PCDHGA6: variants seen among roughly 807,000 people sequenced by gnomAD.
PCDHGA6 encodes the protein protocadherin gamma subfamily A, 6.
In PCDHGA6, 41 loss-of-function variants were observed where a neutral mutation model predicts 60.6. That is an observed-to-expected ratio of 0.68 (90% CI 0.53 to 0.88). The LOEUF is 0.88. PCDHGA6 is among the 40% of genes least tolerant of loss of function. PCDHGA6 has a pLI of 0.00. For synonymous variants in PCDHGA6, 594 were observed against 524.4 expected, an observed-to-expected ratio of 1.13 and a Z score of -1.81; for missense variants, 1,312 against 1,203.0, an observed-to-expected ratio of 1.09 and a Z score of -1.34.
At chr5:141,441,730 A>T in intron 1 of PCDHGA6, 1 of 362,750 alleles carries the variant, frequency 2.8e-6, no homozygotes, top group South Asian at 2.2e-5. Context: ...CGCGACCAGG[A>T]CTAGCTCGCG....
chr5:141,466,099 G>A (rs879849411), intron 1 of PCDHGA6, among the ~76,000 whole-genome samples: 2 of 151,938 alleles, frequency 1.3e-5, no homozygotes, highest in Non-Finnish European at 2.9e-5. Context: ...TCCAGCCTGG[G>A]CAACAGAGTG....
chr5:141,443,093 C>G (rs1316602934), intron 1 of PCDHGA6, among the ~76,000 whole-genome samples: 2 of 151,940 alleles, frequency 1.3e-5, no homozygotes, highest in African/African-American at 4.8e-5. Flanking sequence ...CAGTCTCCTT[C>G]TCAAGCTGAA....
chr5:141,467,993 C>A (rs984508296), intron 1 of PCDHGA6, among the ~76,000 whole-genome samples: 1 of 152,058 alleles, frequency 6.6e-6, no homozygotes, highest in Admixed American at 6.6e-5. Context: ...AACCACAATT[C>A]TTTCTTCCTC....
In PCDHGA6 at chr5:141,491,424, G is replaced by A. The variant is rs745755214; in HGVS notation, c.2425-3383G>A. The A allele has an allele frequency of 6.2e-7, 1 of 1,614,092 alleles. No individual in the cohort carries two copies. Among genetic ancestry groups the A allele is most frequent in the Non-Finnish European group, 8.5e-7 (1 of 1,180,028 alleles). ...ACGCAGACGGGGACGGGGGTGGAGG[G>A]CAGTGCTGCAGGCGCCAGGACTCAC... On this transcript the variant is annotated intron_variant, in intron 1 of 3. Coordinates refer to ENST00000517434, the MANE Select transcript of PCDHGA6 (RefSeq NM_018919.3). The surrounding 1 kb of genome is among the most constrained non-coding windows in gnomAD (Gnocchi z 6.9).
rs547284271 is a variant in PCDHGA6 at position 141,489,064 on chromosome 5, C to G, written c.2425-5743C>G. On this transcript the variant is annotated intron_variant, in intron 1 of 3. Coordinates refer to ENST00000517434, the MANE Select transcript of PCDHGA6 (RefSeq NM_018919.3). This position sits in a 1 kb window ranked among gnomAD's most constrained non-coding sequence, Gnocchi z 4.5. ...TCCACTCAAATTCAGCTCCCCTCCC[C>G]CCTGCCCACCCCCGCCACTCGGTGA... 1.9e-4 allele frequency: 74 copies of G among 387,742 alleles called. No homozygotes were observed. The highest frequency in any genetic ancestry group is 1.5e-3 in the African/African-American group (70 of 47,296). The allele number at this position is 387,742 out of a possible 1,614,324, so 24.0% of individuals were successfully genotyped here. A position where few individuals can be genotyped will look rare whatever the true frequency, so the allele number is the denominator to read the frequency against.
Position 141,431,151 on chromosome 5 carries a change from C to A in PCDHGA6, c.2424+54644C>A, listed in dbSNP as rs764416448. On this transcript the variant is annotated intron_variant, in intron 1 of 3. Transcript: ENST00000517434. This position sits in a 1 kb window ranked among gnomAD's most constrained non-coding sequence, Gnocchi z 4.8. Reference sequence around the variant, plus strand: ...GTAAGGGACATTAACGACAATGCGCCTTACTTTCGTGAAAGTGAATTAGAA... The same window carrying A: ...GTAAGGGACATTAACGACAATGCGCATTACTTTCGTGAAAGTGAATTAGAA... 7.4e-6 allele frequency: 12 copies of A among 1,614,126 alleles called. No individual in the cohort carries two copies. Among genetic ancestry groups the A allele is most frequent in the Middle Eastern group, 1.6e-4 (1 of 6,084 alleles).
intron 1 of PCDHGA6, among the ~76,000 whole-genome samples, chr5:141,483,094 G>C (rs1304382782): frequency 6.6e-6 from 1 of 152,058 alleles, no homozygotes; most frequent in African/African-American, 2.4e-5. Context: ...CAAAAAAAAA[G>C]TGTGCGTGTA....
intron 1 of PCDHGA6, among the ~76,000 whole-genome samples, chr5:141,386,595 ATT>A (rs373179212): frequency 2.1e-5 from 3 of 146,060 alleles, no homozygotes; most frequent in African/African-American, 7.5e-5. Flanking sequence ...TGGGGGATAC[ATT>A]TTTTTTTTTT....
intron 1 of PCDHGA6, chr5:141,399,534 A>G (rs772655467): frequency 3.7e-6 from 6 of 1,614,030 alleles, no homozygotes; most frequent in Middle Eastern, 1.6e-4. Flanking sequence ...CCATCGCGCA[A>G]GTCTGCGCCT....
intron 1 of PCDHGA6, chr5:141,394,972 A>T (rs766374618): frequency 1.7e-5 from 28 of 1,613,900 alleles, no homozygotes; most frequent in Non-Finnish European, 2.3e-5. Flanking sequence ...AGGCGCTGGC[A>T]CAAGTCACGC....
At chr5:141,405,257 A>T (rs747554046) in intron 1 of PCDHGA6, 2 of 1,613,954 alleles carry the variant, frequency 1.2e-6, no homozygotes, top group Non-Finnish European at 1.7e-6. Flanking sequence ...GAGTCACCTG[A>T]TCTTCCCCCA....
intron 1 of PCDHGA6, chr5:141,411,535 G>C (rs945278706): frequency 6.6e-6 from 1 of 152,274 alleles, no homozygotes; most frequent in Non-Finnish European, 1.5e-5. Context: ...AGTGAGCCCT[G>C]ATCTTGCCAC....
At chr5:141,406,431 T>G (rs1316370664) in intron 1 of PCDHGA6, among the ~76,000 whole-genome samples, 3 of 152,352 alleles carry the variant, frequency 2.0e-5, no homozygotes, top group Non-Finnish European at 4.4e-5. Context: ...ATTTATTGCT[T>G]CTATTCTTCC....
At chr5:141,410,022 A>C (rs557770094) in intron 1 of PCDHGA6, 2 of 1,613,094 alleles carry the variant, frequency 1.2e-6, no homozygotes, top group South Asian at 2.2e-5. Context: ...CTGTCCTACC[A>C]CGTGCTGCAG....
chr5:141,491,616 C>T lies in PCDHGA6; in HGVS notation c.2425-3191C>T. 1 of 1,613,944 alleles carries T rather than the reference C, an allele frequency of 6.2e-7. No homozygotes were observed. Among genetic ancestry groups the T allele is most frequent in the South Asian group, 1.1e-5 (1 of 91,082 alleles). On this transcript the variant is annotated intron_variant, in intron 1 of 3. Coordinates refer to ENST00000517434, the MANE Select transcript of PCDHGA6 (RefSeq NM_018919.3). The surrounding 1 kb of genome is among the most constrained non-coding windows in gnomAD (Gnocchi z 6.9). ...GCAGTGACTTCACTTTTCTAAGACC[C>T]CTCAGCGTTCAGCAGCCCACAGCTC...
chr5:141,474,244 A>G (rs910247549), intron 1 of PCDHGA6, among the ~76,000 whole-genome samples: 26 of 152,270 alleles, frequency 1.7e-4, no homozygotes, highest in Non-Finnish European at 3.2e-4. Context: ...TGAATAGGGG[A>G]AAAAAAGACT....
At position 141,404,150 on chromosome 5, in the gene PCDHGA6, G is replaced by A. The variant is rs1325217999; in HGVS notation, c.2424+27643G>A. ...TTTTACATTAGAAAATTCAGAAGAA[G>A]ATTATTACAGATTGTTGACGGCCCA... is the stretch of plus-strand genomic sequence containing the variant. On this transcript the variant is annotated intron_variant, in intron 1 of 3. Coordinates refer to ENST00000517434, the MANE Select transcript of PCDHGA6 (RefSeq NM_018919.3). 5.0e-6 allele frequency: 8 copies of A among 1,612,830 alleles called. 1 individual carries two copies. In the Middle Eastern group the frequency reaches 6.6e-4, roughly 133 times the overall value.
chr5:141,413,824 A>C, intron 1 of PCDHGA6: 1 of 1,613,112 alleles, frequency 6.2e-7, no homozygotes, highest in South Asian at 1.1e-5. Flanking sequence ...CCTGGTCCTC[A>C]CCGCCTCCGA....
intron 1 of PCDHGA6, chr5:141,428,149 G>A (rs1048150182): frequency 8.8e-6 from 14 of 1,586,676 alleles, no homozygotes; most frequent in African/African-American, 1.3e-5. Flanking sequence ...CTGCACACGG[G>A]AACCTGCTGG....
Sources: allele counts gnomAD v4.1 joint callset (sites outside exome capture counted in the v4.1 genomes callset), GRCh38; gene constraint gnomAD v4.1.1; non-coding constraint Gnocchi (gnomAD v3.1); transcripts MANE v1.5; gene names NCBI Gene and HGNC (gene_info 2026-07-23, HGNC 2026-07-21).